Variants in CAMTA1 observed in about 807,000 individuals in gnomAD.
CAMTA1 encodes calmodulin-binding transcription activator 1.
Under a neutral mutation model 170.9 loss-of-function variants are expected in CAMTA1, and 27 were observed. The observed-to-expected ratio is 0.16, with a 90% confidence interval of 0.12 to 0.22. The LOEUF is 0.22. CAMTA1 is among the 10% of genes least tolerant of loss of function. CAMTA1 has a pLI of 1.00. For synonymous variants in CAMTA1, 833 were observed against 891.5 expected (o/e 0.93, Z 1.17); for missense variants, 1,619 against 2,217.2 (o/e 0.73, Z 5.42).
chr1:7,626,673 G>A (rs2095635781), intron 6 of CAMTA1, among the ~76,000 whole-genome samples: 1 of 148,870 alleles, frequency 6.7e-6, no homozygotes, highest in Admixed American at 6.6e-5. Context: ...AGCAGAGGGT[G>A]GGGGTCGGGT....
intron 4 of CAMTA1, among the ~76,000 whole-genome samples, chr1:7,217,028 G>A (rs1310461436): frequency 6.6e-6 from 1 of 151,912 alleles, no homozygotes; most frequent in Non-Finnish European, 1.5e-5. Flanking sequence ...TTAGTTTTAG[G>A]CTTTCTGAAT....
intron 5 of CAMTA1, among the ~76,000 whole-genome samples, chr1:7,279,155 C>T (rs1340328489): frequency 6.6e-6 from 1 of 152,140 alleles, no homozygotes; most frequent in African/African-American, 2.4e-5. Context: ...CCGCAGTGCA[C>T]CTATGTGAAA....
chr1:7,654,513 CACTCCTATACACACAA>C, intron 7 of CAMTA1, among the ~76,000 whole-genome samples: 1 of 151,438 alleles, frequency 6.6e-6, no homozygotes, highest in Admixed American at 6.6e-5. Context: ...TACACACATA[CACTCCTATACACACAA>C]ACACACCCAT....
rs892792049 is a variant in CAMTA1, at chr1:7,050,292, G to A, written c.235-41012G>A. ...TGTCTTGCCTTCCTGGGGAGATGGG[G>A]CAGGAAGAGAGTCTGTAGATAATAA... On this transcript the variant is annotated intron_variant, in intron 3 of 22. Coordinates refer to ENST00000303635, the MANE Select transcript of CAMTA1 (RefSeq NM_015215.4). This position sits in a 1 kb window ranked among gnomAD's most constrained non-coding sequence, Gnocchi z 4.8. Among the ~76,000 whole-genome samples the A allele has an allele frequency of 6.6e-6, 1 of 152,136 alleles. No homozygotes were observed. Among genetic ancestry groups the A allele is most frequent in the African/African-American group, 2.4e-5 (1 of 41,426 alleles).
chr1:7,494,100 T>G (rs113656187), intron 6 of CAMTA1, among the ~76,000 whole-genome samples: 9 of 151,828 alleles, frequency 5.9e-5, no homozygotes, highest in African/African-American at 2.2e-4. Flanking sequence ...GGGTTTTTCT[T>G]TCAAGAGATG....
chr1:7,753,288 T>C (rs1318546720), intron 21 of CAMTA1, among the ~76,000 whole-genome samples: 1 of 152,238 alleles, frequency 6.6e-6, no homozygotes, highest in Non-Finnish European at 1.5e-5. Flanking sequence ...TTCAGAGGGC[T>C]GGTGAAAGTG....
chr1:6,886,670 G>A (rs113845986), intron 3 of CAMTA1, among the ~76,000 whole-genome samples: 1 of 152,208 alleles, frequency 6.6e-6, no homozygotes, highest in African/African-American at 2.4e-5. Flanking sequence ...CCAAATTTGG[G>A]AAGCAAATGA....
chr1:6,923,303 G>A (rs1338490607), intron 3 of CAMTA1, among the ~76,000 whole-genome samples: 2 of 152,118 alleles, frequency 1.3e-5, no homozygotes, highest in South Asian at 2.1e-4. Context: ...ATCCAATTCG[G>A]GTCATCCCTG....
intron 4 of CAMTA1, among the ~76,000 whole-genome samples, chr1:7,218,925 T>C (rs1452219185): frequency 6.6e-6 from 1 of 152,136 alleles, no homozygotes; most frequent in Non-Finnish European, 1.5e-5. Context: ...CGTTGGGAGA[T>C]TTGAGTTTTT....
intron 7 of CAMTA1, among the ~76,000 whole-genome samples, chr1:7,649,030 A>G (rs980649990): frequency 6.6e-6 from 1 of 152,224 alleles, no homozygotes; most frequent in South Asian, 2.1e-4. Context: ...CCACACTCCC[A>G]GAGGAAGCCA....
At chr1:6,940,047 C>T (rs1365315067) in intron 3 of CAMTA1, among the ~76,000 whole-genome samples, 1 of 152,278 alleles carries the variant, frequency 6.6e-6, no homozygotes, top group Non-Finnish European at 1.5e-5. Context: ...CGTGTCTAAG[C>T]AGAAGTGTGT....
intron 5 of CAMTA1, among the ~76,000 whole-genome samples, chr1:7,332,708 C>T (rs1278007943): frequency 6.6e-6 from 1 of 152,188 alleles, no homozygotes; most frequent in Non-Finnish European, 1.5e-5. Context: ...ACTTGGTGAG[C>T]CAATCCATAA....
At chr1:6,911,907 T>C (rs1487264423) in intron 3 of CAMTA1, among the ~76,000 whole-genome samples, 5 of 152,266 alleles carry the variant, frequency 3.3e-5, no homozygotes, top group African/African-American at 7.2e-5. Context: ...CAGCTGAATG[T>C]GACAGTGATC....
At position 7,067,857 on chromosome 1, in the gene CAMTA1, G is replaced by A. The variant is rs1406298249; in HGVS notation, c.235-23447G>A. Reference sequence around the variant, plus strand: ...CATGGTCAGTGATTGGTTTAGGGGCGGCCTGTAACTCAGTTATTGCCAGTG... The same window carrying A: ...CATGGTCAGTGATTGGTTTAGGGGCAGCCTGTAACTCAGTTATTGCCAGTG... On this transcript the variant is annotated intron_variant, in intron 3 of 22. Coordinates refer to ENST00000303635, the MANE Select transcript of CAMTA1 (RefSeq NM_015215.4). This position sits in a 1 kb window ranked among gnomAD's most constrained non-coding sequence, Gnocchi z 4.3. Among the ~76,000 whole-genome samples the A allele has an allele frequency of 2.0e-5, 3 of 152,158 alleles. No individual in the cohort carries two copies. The highest frequency in any genetic ancestry group is 4.4e-5 in the Non-Finnish European group (3 of 68,038).
rs1477550281 is a variant in CAMTA1 at position 7,216,395 on chromosome 1, CCTTA to C, written c.303-33091_303-33088del. On this transcript the variant is annotated intron_variant, in intron 4 of 22. Transcript: ENST00000303635. The surrounding 1 kb of genome is among the most constrained non-coding windows in gnomAD (Gnocchi z 4.0). The stretch of plus-strand genomic sequence containing the variant: ...ATTATATTGTTTAGGGCTTCTGTGT[CCTTA>C]CTTATTTTTTGTCTATCTGGTTTCT... Among the ~76,000 whole-genome samples, 2 of 152,162 alleles carry C rather than the reference CCTTA, an allele frequency of 1.3e-5. No individual in the cohort carries two copies. Among genetic ancestry groups the C allele is most frequent in the Non-Finnish European group, 2.9e-5 (2 of 68,026 alleles).
At position 7,007,016 on chromosome 1, in the gene CAMTA1, A is replaced by C. The variant is rs577047074; in HGVS notation, c.235-84288A>C. On this transcript the variant is annotated intron_variant, in intron 3 of 22. Transcript: ENST00000303635. This position sits in a 1 kb window ranked among gnomAD's most constrained non-coding sequence, Gnocchi z 4.5. ...TGTCAGATGGTAGTAAAAAAAAAAAAAAAAAATAAGAATTTTTGGATACGG... is the reference window on the plus strand; with the variant it reads ...TGTCAGATGGTAGTAAAAAAAAAAACAAAAAATAAGAATTTTTGGATACGG... 9.7e-3 allele frequency among the ~76,000 whole-genome samples: 1,480 copies of C among 152,160 alleles called. 12 individuals carry two copies. Among genetic ancestry groups the C allele is most frequent in the South Asian group, 0.023 (113 of 4,822 alleles).
chr1:7,460,278 A>G (rs1296832797), intron 5 of CAMTA1, among the ~76,000 whole-genome samples: 1 of 152,156 alleles, frequency 6.6e-6, no homozygotes, highest in Non-Finnish European at 1.5e-5. Flanking sequence ...CACAAATGTC[A>G]CTTCCTCTTA....
intron 6 of CAMTA1, among the ~76,000 whole-genome samples, chr1:7,507,722 C>T (rs2149852767): frequency 6.6e-6 from 1 of 152,336 alleles, no homozygotes; most frequent in East Asian, 1.9e-4. Context: ...AGTCTGCTGG[C>T]AACTTTGGGG....
chr1:7,679,583 C>A (rs1003804253), intron 11 of CAMTA1, among the ~76,000 whole-genome samples: 1 of 149,876 alleles, frequency 6.7e-6, no homozygotes, highest in East Asian at 1.9e-4. Context: ...CTGCCCCCCC[C>A]CCCAGAACTT....
Sources: allele counts gnomAD v4.1 joint callset (sites outside exome capture counted in the v4.1 genomes callset), GRCh38; gene constraint gnomAD v4.1.1; non-coding constraint Gnocchi (gnomAD v3.1); transcripts MANE v1.5; gene names NCBI Gene and HGNC (gene_info 2026-07-23, HGNC 2026-07-21).